Variants in LARGE1 observed in about 807,000 individuals in gnomAD.
LARGE1 encodes xylosyl- and glucuronyltransferase LARGE1.
Under a neutral mutation model 87.6 loss-of-function variants are expected in LARGE1, and 43 were observed. The observed-to-expected ratio is 0.49, with a 90% CI of 0.38 to 0.63. The LOEUF is 0.63. Ranked by LOEUF, LARGE1 falls within the 30% of genes least tolerant of loss-of-function variation. LARGE1 has a pLI of 0.00. For missense variants in LARGE1, 802 were observed against 1,000.2 expected, an observed-to-expected ratio of 0.80 and a Z score of 2.67; for synonymous variants, 434 against 394.6, an observed-to-expected ratio of 1.10 and a Z score of -1.18.
chr22:33,695,341 T>C (rs924031756), intron 2 of LARGE1, among the ~76,000 whole-genome samples: 2 of 152,134 alleles, frequency 1.3e-5, no homozygotes, highest in Non-Finnish European at 2.9e-5. Flanking sequence ...TGACCTCAAG[T>C]GATCCATCCA....
At chr22:33,898,293 G>C (rs2065196663) in intron 1 of LARGE1, among the ~76,000 whole-genome samples, 1 of 151,648 alleles carries the variant, frequency 6.6e-6, no homozygotes, top group Non-Finnish European at 1.5e-5. Flanking sequence ...CTGGGCCCAA[G>C]TGCCCCGCCC....
At chr22:33,313,625 T>C (rs1457246629) in intron 11 of LARGE1, among the ~76,000 whole-genome samples, 1 of 152,174 alleles carries the variant, frequency 6.6e-6, no homozygotes, top group Non-Finnish European at 1.5e-5. Context: ...TGGGCTGCCC[T>C]GCAGGGAGGG....
intron 1 of LARGE1, among the ~76,000 whole-genome samples, chr22:33,801,085 G>C (rs1052050591): frequency 1.3e-5 from 2 of 152,152 alleles, no homozygotes; most frequent in African/African-American, 4.8e-5. Flanking sequence ...GATCTGAAGT[G>C]TTTATCAGGG....
the LARGE1 span, among the ~76,000 whole-genome samples, chr22:33,152,777 T>C: frequency 6.6e-6 from 1 of 152,198 alleles, no homozygotes; most frequent in Non-Finnish European, 1.5e-5. Context: ...TTTCACCATA[T>C]AAATATGGCT....
intron 12 of LARGE1, among the ~76,000 whole-genome samples, chr22:33,296,282 C>A (rs1933238976): frequency 6.6e-6 from 1 of 152,250 alleles, no homozygotes; most frequent in African/African-American, 2.4e-5. Flanking sequence ...TACTCTTGAA[C>A]ACGTTACAAC....
intron 6 of LARGE1, among the ~76,000 whole-genome samples, chr22:33,548,189 G>A (rs1383226936): frequency 2.0e-5 from 3 of 152,174 alleles, no homozygotes; most frequent in Non-Finnish European, 4.4e-5. Context: ...TCTGGTGATA[G>A]AGTTCTCATG....
At chr22:33,515,462 C>T (rs552423382) in intron 6 of LARGE1, among the ~76,000 whole-genome samples, 2 of 152,078 alleles carry the variant, frequency 1.3e-5, no homozygotes, top group African/African-American at 4.8e-5. Flanking sequence ...GGCCTGTTAG[C>T]GTACCTGACA....
In LARGE1 at chr22:33,694,693, T is replaced by C. The variant is rs190815602; in HGVS notation, c.107-44025A>G. Reference sequence around the variant, plus strand: ...AAATTCACATACACATACACATACATGGAGAGAGAAGGTGTGGAGAGACAG... The same window carrying C: ...AAATTCACATACACATACACATACACGGAGAGAGAAGGTGTGGAGAGACAG... On this transcript the variant is annotated intron_variant, in intron 2 of 14. Transcript: ENST00000397394. Among the ~76,000 whole-genome samples the C allele has an allele frequency of 1.1e-4, 17 of 151,676 alleles. No individual in the cohort carries two copies. In the East Asian group the frequency reaches 2.5e-3, roughly 22 times the overall value.
rs140155014 is a variant in LARGE1 at position 33,341,403 on chromosome 22, C to T, written c.1132-3602G>A. Among the ~76,000 whole-genome samples, 10 of 152,182 alleles carry T rather than the reference C, an allele frequency of 6.6e-5. No homozygotes were observed. In the East Asian group the frequency reaches 1.9e-3, roughly 30 times the overall value. ...CTGGGTATCCACAGCTCAGTCACTTCTTGTTTCCCTCCTTTGGTTGGGTTC... is the reference window on the plus strand; with the variant it reads ...CTGGGTATCCACAGCTCAGTCACTTTTTGTTTCCCTCCTTTGGTTGGGTTC... On this transcript the variant is annotated intron_variant, in intron 9 of 14. Transcript: ENST00000397394.
chr22:33,154,972 GCTT>G, the LARGE1 span, among the ~76,000 whole-genome samples: 1 of 152,284 alleles, frequency 6.6e-6, no homozygotes, highest in South Asian at 2.1e-4. Context: ...CCCTGCACAA[GCTT>G]CTTCTTTTGT....
intron 6 of LARGE1, among the ~76,000 whole-genome samples, chr22:33,558,024 C>T (rs1050362317): frequency 1.3e-5 from 2 of 152,166 alleles, no homozygotes; most frequent in Non-Finnish European, 2.9e-5. Context: ...CTACAGACAC[C>T]AGCTGTTGGT....
At chr22:33,228,278 A>G (rs1925833118) in intron 11 of LARGE1, among the ~76,000 whole-genome samples, 1 of 152,290 alleles carries the variant, frequency 6.6e-6, no homozygotes, top group Non-Finnish European at 1.5e-5. Context: ...AGTGACACAG[A>G]TAAATGCAGC....
At chr22:33,682,452 C>T (rs2081805040) in intron 2 of LARGE1, among the ~76,000 whole-genome samples, 1 of 152,176 alleles carries the variant, frequency 6.6e-6, no homozygotes, top group African/African-American at 2.4e-5. Flanking sequence ...CAGGCTTCTG[C>T]CATTGCCCCC....
chr22:33,852,856 CA>C (rs869260793), intron 1 of LARGE1, among the ~76,000 whole-genome samples: 2 of 66,002 alleles, frequency 3.0e-5, no homozygotes, highest in East Asian at 4.3e-4. Context: ...ACTCCGTCTC[CA>C]AAAAAAAAAA....
intron 1 of LARGE1, among the ~76,000 whole-genome samples, chr22:33,822,907 A>G (rs1425131211): frequency 6.6e-6 from 1 of 152,146 alleles, no homozygotes; most frequent in African/African-American, 2.4e-5. Context: ...GTAGAACATG[A>G]TCCCCCAAGT....
chr22:33,181,879 G>A (rs1177333059), intron 11 of LARGE1, among the ~76,000 whole-genome samples: 3 of 139,122 alleles, frequency 2.2e-5, no homozygotes, highest in African/African-American at 5.5e-5. Flanking sequence ...TACCCAGGCT[G>A]TAATGCAGTG....
intron 9 of LARGE1, among the ~76,000 whole-genome samples, chr22:33,370,119 G>A (rs1440994557): frequency 6.6e-6 from 1 of 152,092 alleles, no homozygotes; most frequent in Non-Finnish European, 1.5e-5. Flanking sequence ...ATAAAAATTA[G>A]ATAAATCATT....
At chr22:33,205,701 T>C (rs187169980) in intron 11 of LARGE1, among the ~76,000 whole-genome samples, 39 of 152,322 alleles carry the variant, frequency 2.6e-4, no homozygotes, top group Non-Finnish European at 1.3e-4. Context: ...CTCTAGCATA[T>C]GACACATGTG....
At chr22:33,377,549 C>A (rs2065027846) in intron 9 of LARGE1, among the ~76,000 whole-genome samples, 1 of 152,184 alleles carries the variant, frequency 6.6e-6, no homozygotes, top group Admixed American at 6.5e-5. Context: ...TTAAGGCTGA[C>A]AATACTTTAG....
Sources: gnomAD v4.1 joint callset for allele counts (sites outside exome capture counted in the v4.1 genomes callset) on GRCh38, gnomAD v4.1.1 for gene constraint, MANE v1.5 for transcripts, NCBI Gene and HGNC (gene_info 2026-07-23, HGNC 2026-07-21) for gene names.